Variants in TTC29 observed in about 807,000 individuals in gnomAD.
TTC29 encodes tetratricopeptide repeat protein 29.
Under a neutral mutation model 58.1 loss-of-function variants are expected in TTC29, and 49 were observed. The ratio of observed to expected loss-of-function variants is 0.84; its 90% CI spans 0.67 to 1.07. TTC29 has a LOEUF of 1.07. Ranked by LOEUF, TTC29 falls within the 50% of genes least tolerant of loss-of-function variation. The pLI is 0.00. For synonymous variants in TTC29, 209 were observed against 196.8 expected, an observed-to-expected ratio of 1.06 and a Z score of -0.52; for missense variants, 582 against 555.6, an observed-to-expected ratio of 1.05 and a Z score of -0.48.
In TTC29 at chr4:146,869,114, A is replaced by C. The variant is rs941946989; in HGVS notation, c.800-1531T>G. On this transcript the variant is annotated intron_variant, in intron 7 of 12. Transcript: ENST00000325106. ...GCTTTAAGTAAAAAAAAAAAAAAAA[A>C]AAAAACCTCTTTTCTTTATAAATTA... Among the ~76,000 whole-genome samples, 6 of 150,980 alleles carry C rather than the reference A, an allele frequency of 4.0e-5. No individual in the cohort carries two copies. In the East Asian group the frequency reaches 9.7e-4, roughly 24 times the overall value.
chr4:146,920,313 T>G (rs1734496697), intron 4 of TTC29, among the ~76,000 whole-genome samples: 1 of 151,096 alleles, frequency 6.6e-6, no homozygotes, highest in African/African-American at 2.4e-5. Flanking sequence ...TATAGGTTCG[T>G]CATATATATT....
intron 11 of TTC29, among the ~76,000 whole-genome samples, chr4:146,758,042 T>C (rs191168302): frequency 6.6e-6 from 1 of 152,168 alleles, no homozygotes; most frequent in East Asian, 1.9e-4. Flanking sequence ...TTAAAAGGTA[T>C]AGAACCACAG....
intron 11 of TTC29, among the ~76,000 whole-genome samples, chr4:146,748,051 G>T (rs548238063): frequency 6.6e-6 from 1 of 152,304 alleles, no homozygotes; most frequent in South Asian, 2.1e-4. Context: ...CTACTGCCAC[G>T]TCCCACCATT....
chr4:146,926,754 C>T (rs899573989), intron 4 of TTC29, among the ~76,000 whole-genome samples: 9 of 152,112 alleles, frequency 5.9e-5, no homozygotes, highest in Non-Finnish European at 1.2e-4. Context: ...CGAACCACCA[C>T]GTCCAGCCTA....
At chr4:146,905,113 A>G (rs898592885) in intron 5 of TTC29, among the ~76,000 whole-genome samples, 2 of 152,304 alleles carry the variant, frequency 1.3e-5, no homozygotes, top group Non-Finnish European at 1.5e-5. Context: ...AAAGTAGCGC[A>G]TGACCTAAGC....
chr4:146,900,755 G>A (rs1171818980), intron 6 of TTC29, among the ~76,000 whole-genome samples: 1 of 152,128 alleles, frequency 6.6e-6, no homozygotes, highest in East Asian at 1.9e-4. Context: ...GAAAATTCTG[G>A]AGATTGGTTG....
At chr4:146,811,664 G>T (rs1751033777) in intron 10 of TTC29, among the ~76,000 whole-genome samples, 1 of 152,186 alleles carries the variant, frequency 6.6e-6, no homozygotes, top group African/African-American at 2.4e-5. Flanking sequence ...AACAACACAG[G>T]AACAGCTTTA....
chr4:146,738,094 A>C (rs1396298856), intron 11 of TTC29, among the ~76,000 whole-genome samples: 2 of 152,206 alleles, frequency 1.3e-5, no homozygotes, highest in African/African-American at 4.8e-5. Context: ...CTATGAATGG[A>C]AATGGACTGA....
chr4:146,906,602 C>A (rs1733535657), intron 5 of TTC29, among the ~76,000 whole-genome samples: 1 of 152,126 alleles, frequency 6.6e-6, no homozygotes, highest in South Asian at 2.1e-4. Context: ...TCTGGTACAT[C>A]CCTAATTCAA....
At chr4:146,784,299 T>G (rs1052740784) in intron 11 of TTC29, among the ~76,000 whole-genome samples, 3 of 152,132 alleles carry the variant, frequency 2.0e-5, no homozygotes, top group Admixed American at 2.0e-4. Context: ...TTAAAAAAAA[T>G]TAAAAATAGT....
intron 10 of TTC29, among the ~76,000 whole-genome samples, chr4:146,805,964 A>G (rs190083280): frequency 9.9e-5 from 15 of 151,940 alleles, no homozygotes; most frequent in Non-Finnish European, 1.9e-4. Flanking sequence ...GAAGGAAACA[A>G]TGTTAAGGGC....
chr4:146,729,645 T>G (rs926369582), intron 11 of TTC29, among the ~76,000 whole-genome samples: 6 of 152,078 alleles, frequency 3.9e-5, no homozygotes, highest in Non-Finnish European at 5.9e-5. Context: ...TGAGACTGGG[T>G]AATTTATTTT....
intron 11 of TTC29, among the ~76,000 whole-genome samples, chr4:146,715,936 C>A (rs555448336): frequency 1.2e-4 from 18 of 152,036 alleles, no homozygotes; most frequent in Non-Finnish European, 2.6e-4. Context: ...AAAATTCTTA[C>A]ACTATGTGTT....
At chr4:146,785,530 G>A (rs1202558604) in intron 11 of TTC29, among the ~76,000 whole-genome samples, 1 of 152,154 alleles carries the variant, frequency 6.6e-6, no homozygotes, top group Non-Finnish European at 1.5e-5. Context: ...TATCCTCTGA[G>A]GAGATGGAGG....
intron 4 of TTC29, among the ~76,000 whole-genome samples, chr4:146,924,520 T>C (rs1195254901): frequency 6.6e-6 from 1 of 151,942 alleles, no homozygotes; most frequent in East Asian, 1.9e-4. Flanking sequence ...TTCATCTAAG[T>C]CGTTGAGTTT....
chr4:146,801,622 T>C (rs1046221339), intron 11 of TTC29, among the ~76,000 whole-genome samples: 4 of 151,858 alleles, frequency 2.6e-5, no homozygotes, highest in African/African-American at 9.7e-5. Context: ...AAAATGACCT[T>C]ACAAAAACAT....
intron 4 of TTC29, among the ~76,000 whole-genome samples, chr4:146,909,722 TACTA>T (rs1024341076): frequency 1.3e-5 from 2 of 152,226 alleles, no homozygotes; most frequent in Non-Finnish European, 2.9e-5. Flanking sequence ...TGAAATCTAT[TACTA>T]ACTATATATT....
At chr4:146,728,826 CATATATATACACATATATATGT>C (rs1744059077) in intron 11 of TTC29, among the ~76,000 whole-genome samples, 2 of 91,736 alleles carry the variant, frequency 2.2e-5, no homozygotes, top group Non-Finnish European at 4.7e-5. Flanking sequence ...TGTATATATA[CATATATATACACATATATATGT>C]ATATATATAC....
intron 11 of TTC29, among the ~76,000 whole-genome samples, chr4:146,718,342 A>T (rs78894414): frequency 0.08 from 12,170 of 152,236 alleles, 632 homozygotes; most frequent in South Asian, 0.12. Flanking sequence ...CCAATAGTGC[A>T]CAAGGGTTCC....
Sources: gnomAD v4.1 joint callset for allele counts (sites outside exome capture counted in the v4.1 genomes callset) on GRCh38, gnomAD v4.1.1 for gene constraint, MANE v1.5 for transcripts, NCBI Gene and HGNC (gene_info 2026-07-23, HGNC 2026-07-21) for gene names.